ZNF41: variants seen among roughly 807,000 people sequenced by gnomAD.
The protein encoded by ZNF41 is zinc finger protein 41.
ZNF41 carries 6 observed loss-of-function variants against 9.3 expected under a neutral mutation model. That is an observed-to-expected ratio of 0.65 (90% CI 0.35 to 1.28). The LOEUF is 1.28. ZNF41 is among the 50% of genes most tolerant of loss of function. The probability of loss-of-function intolerance (pLI) is 0.03; values close to 1 mark genes in which losing one functional copy is unlikely to be tolerated. For missense variants in ZNF41, 523 were observed against 585.8 expected, an observed-to-expected ratio of 0.89 and a Z score of 1.11; for synonymous variants, 192 against 207.1, an observed-to-expected ratio of 0.93 and a Z score of 0.63.
intron 1 of ZNF41, chrX:47,476,901 C>T (rs2057346511): frequency 9.7e-6 from 1 of 102,652 alleles, no homozygotes; most frequent in Non-Finnish European, 2.0e-5. Context: ...ACTAAAAGTA[C>T]AAAAATTAGC....
chrX:47,452,554 A>T, intron 4 of ZNF41, among the ~76,000 whole-genome samples: 1 of 111,475 alleles, frequency 9.0e-6, no homozygotes, highest in Middle Eastern at 4.6e-3. Context: ...TCTTCCTTGG[A>T]TGCTTGCTCA....
At chrX:47,458,152 G>A (rs1602884006) in intron 2 of ZNF41, among the ~76,000 whole-genome samples, 1 of 111,835 alleles carries the variant, frequency 8.9e-6, no homozygotes, top group East Asian at 2.8e-4. Flanking sequence ...AAACAGATGA[G>A]ACGAACCAGG....
intron 1 of ZNF41, among the ~76,000 whole-genome samples, chrX:47,479,706 T>TAA (rs111579857): frequency 9.9e-6 from 1 of 101,512 alleles, no homozygotes; most frequent in African/African-American, 3.6e-5. Context: ...GATGAACTGT[T>TAA]AAAAAAAAAA....
intron 1 of ZNF41, among the ~76,000 whole-genome samples, chrX:47,468,717 C>T (rs1003727835): frequency 1.8e-5 from 2 of 111,331 alleles, no homozygotes; most frequent in Admixed American, 1.9e-4. Context: ...GCTACAGGCC[C>T]CCCAAAACTG....
chrX:47,456,473 T>C (rs1452349739), intron 2 of ZNF41, 75 bp from the exon 3 acceptor site: 1 of 1,183,120 alleles, frequency 8.5e-7, no homozygotes, highest in African/African-American at 1.8e-5. Flanking sequence ...GCAAGTTGTT[T>C]TTAATGCTTT....
At chrX:47,459,764 A>AAAAGAAAG (rs1556836560) in intron 2 of ZNF41, among the ~76,000 whole-genome samples, 3 of 101,120 alleles carry the variant, frequency 3.0e-5, no homozygotes, top group Admixed American at 1.1e-4. Context: ...AAAAAAAAAA[A>AAAAGAAAG]AAAGAAAGAA....
In ZNF41 at chrX:47,446,110, T is replaced by C. The variant is rs1326173653; in HGVS notation, c.*1320A>G. On this transcript the variant is annotated 3_prime_UTR_variant, in exon 5 of 5. Coordinates refer to ENST00000684689, the MANE Select transcript of ZNF41 (RefSeq NM_001324144.2). Reference sequence around the variant, plus strand: ...GTTTATGATATATGCATTTTCTGTATACATTATAGTTTAATAAAAAGATTT... The same window carrying C: ...GTTTATGATATATGCATTTTCTGTACACATTATAGTTTAATAAAAAGATTT... 1 of 111,483 alleles carries C rather than the reference T, an allele frequency of 9.0e-6. No homozygotes were observed. The highest frequency in any genetic ancestry group is 1.9e-5 in the Non-Finnish European group (1 of 53,121). The allele number at this position is 111,483 out of a possible 1,213,427, so 9.2% of individuals were successfully genotyped here. A position where few individuals can be genotyped will look rare whatever the true frequency, so the allele number is the denominator to read the frequency against.
rs751934796 is a variant in ZNF41, at chrX:47,448,094, G to C, written c.1676C>G (p.Ala559Gly). Residue 559 changes from alanine (A) to glycine (G), a missense_variant, in exon 5 of 5, where the codon GCC becomes GGC. Transcript: ENST00000684689. ...KPYKCNGCGK[A>G]FIWKSRLKIH... ...TTTGAGGCGCGACTTCCATATGAAGGCTTTTCCACAGCCATTGCACTTATA... is the reference window on the plus strand; with the variant it reads ...TTTGAGGCGCGACTTCCATATGAAGCCTTTTCCACAGCCATTGCACTTATA... 5.0e-6 allele frequency: 6 copies of C among 1,209,468 alleles called. No homozygotes were observed. In the African/African-American group the frequency reaches 1.1e-4, roughly 21 times the overall value.
At chrX:47,462,270 C>T (rs1211840970) in intron 2 of ZNF41, among the ~76,000 whole-genome samples, 1 of 111,362 alleles carries the variant, frequency 9.0e-6, no homozygotes, top group Admixed American at 9.6e-5. Flanking sequence ...AACTGCTCTT[C>T]CCTCCCTCTG....
rs2057034861 is a variant in ZNF41 at position 47,467,599 on chromosome X, G to A, written c.-118C>T. The A allele has an allele frequency of 5.6e-6, 5 of 892,964 alleles. No homozygotes were observed. Among genetic ancestry groups the A allele is most frequent in the Non-Finnish European group, 7.8e-6 (5 of 637,149 alleles). 73.6% of individuals were successfully genotyped at this position (892,964 alleles called of 1,213,427 possible). On this transcript the variant is annotated 5_prime_UTR_variant, in exon 2 of 5. Transcript: ENST00000684689. ...GAGCTGCTGGGGCGAGGCAAGCAGG[G>A]GTCAGAAGGAAGATCCTGCAGTTTC... is the stretch of plus-strand genomic sequence containing the variant.
chrX:47,463,260 C>G lies in ZNF41; in HGVS notation c.72+4150G>C, dbSNP rs767290406. Among the ~76,000 whole-genome samples the G allele has an allele frequency of 5.4e-5, 6 of 111,426 alleles. No homozygotes were observed. In the South Asian group the frequency reaches 2.2e-3, roughly 41 times the overall value. On this transcript the variant is annotated intron_variant, in intron 2 of 4. Coordinates refer to ENST00000684689, the MANE Select transcript of ZNF41 (RefSeq NM_001324144.2). The stretch of plus-strand genomic sequence containing the variant: ...CACTATTGCGTGTTCTATGCCACAG[C>G]TGGATTCTGTACTTCCACTGCCTCC...
At chrX:47,451,720 A>C in intron 4 of ZNF41, among the ~76,000 whole-genome samples, 1 of 112,446 alleles carries the variant, frequency 8.9e-6, no homozygotes, top group Non-Finnish European at 1.9e-5. Flanking sequence ...TACTAAAAAT[A>C]CAAAAATTAG....
intron 1 of ZNF41, among the ~76,000 whole-genome samples, chrX:47,474,195 G>A (rs184891243): frequency 2.8e-4 from 32 of 112,498 alleles, no homozygotes; most frequent in Admixed American, 5.6e-4. Context: ...GGCCAGGCGC[G>A]GTGGCTCACG....
intron 2 of ZNF41, among the ~76,000 whole-genome samples, chrX:47,463,068 C>T (rs1391098962): frequency 9.1e-6 from 1 of 110,193 alleles, no homozygotes; most frequent in African/African-American, 3.3e-5. Context: ...TCAAACAATC[C>T]TCCCGCTTTG....
chrX:47,447,022 A>C lies in ZNF41; in HGVS notation c.*408T>G. On this transcript the variant is annotated 3_prime_UTR_variant, in exon 5 of 5. Coordinates refer to ENST00000684689, the MANE Select transcript of ZNF41 (RefSeq NM_001324144.2). ...GAAAAAGTTTTTCCCAGTAGTGAGT[A>C]TTTTTATGTCCCAGGATATGCTGAA... is the stretch of plus-strand genomic sequence containing the variant. The C allele has an allele frequency of 7.3e-6, 1 of 137,257 alleles. No homozygotes were observed. Among genetic ancestry groups the C allele is most frequent in the East Asian group, 2.0e-4 (1 of 5,119 alleles). The allele number at this position is 137,257 out of a possible 1,213,427, so 11.3% of individuals were successfully genotyped here. A position where few individuals can be genotyped will look rare whatever the true frequency, so the allele number is the denominator to read the frequency against.
At chrX:47,464,297 C>G (rs1376523318) in intron 2 of ZNF41, among the ~76,000 whole-genome samples, 1 of 110,895 alleles carries the variant, frequency 9.0e-6, no homozygotes, top group African/African-American at 3.3e-5. Flanking sequence ...TACCCTGGAC[C>G]CCTTGGCTAT....
chrX:47,449,222 A>G lies in ZNF41; in HGVS notation c.548T>C (p.Val183Ala). 1 of 1,209,061 alleles carries G rather than the reference A, an allele frequency of 8.3e-7. No homozygotes were observed. The highest frequency in any genetic ancestry group is 1.1e-6 in the Non-Finnish European group (1 of 893,525). Residue 183 changes from valine to alanine, a missense_variant, in exon 5 of 5, where the codon GTT (valine) becomes GCT (alanine). Transcript: ENST00000684689. The stretch of plus-strand genomic sequence containing the variant: ...GTTATGGAGTCTTTTAATTGAAGGA[A>G]CAAGCTTGGTAGTCACATGAATTAT... ...EKIIHVTTKLVPSIKRLHNCD... is the reference protein window; with the variant it reads ...EKIIHVTTKLAPSIKRLHNCD...
chrX:47,455,899 T>G, intron 4 of ZNF41, 22 bp downstream of exon 4: 1 of 1,187,472 alleles, frequency 8.4e-7, no homozygotes, highest in Non-Finnish European at 1.1e-6. Context: ...TGTCCCCATC[T>G]GTCTGGGTCA....
chrX:47,447,899 G>A lies in ZNF41; in HGVS notation c.1871C>T (p.Ala624Val), dbSNP rs866998933. Residue 624 changes from alanine (A) to valine (V), a missense_variant, in exon 5 of 5, where the codon GCG (alanine) becomes GTG (valine). Physicochemically the swap from Ala to Val is moderately conservative, Grantham distance 64. Transcript: ENST00000684689. Reference sequence around the variant, plus strand: ...CTCTCCAGTATGGATTCTATGATGCGCAATGAAGTGCGATTTCTGGATAAA... The same window carrying A: ...CTCTCCAGTATGGATTCTATGATGCACAATGAAGTGCGATTTCTGGATAAA... ...KAFIQKSHFI[A>V]HHRIHTGEKP... is the part of the protein sequence containing the mutation. The A allele has an allele frequency of 5.1e-5, 62 of 1,209,575 alleles. 2 individuals are homozygous for A. The Middle Eastern group carries it at 5.3e-3, about 103-fold the overall frequency.
Sources: allele counts gnomAD v4.1 joint callset (sites outside exome capture counted in the v4.1 genomes callset), GRCh38; gene constraint gnomAD v4.1.1; transcripts MANE v1.5; gene names NCBI Gene and HGNC (gene_info 2026-07-23, HGNC 2026-07-21).